DCHS2: variants seen among roughly 807,000 people sequenced by gnomAD.
DCHS2 encodes protocadherin-23.
In DCHS2, 142 loss-of-function variants were observed where a neutral mutation model predicts 182.4. The observed-to-expected ratio is 0.78, with a 90% CI of 0.68 to 0.89. The LOEUF is 0.89. Among genes scored for constraint, DCHS2 ranks in the 40% least tolerant of loss-of-function variants. The pLI is 0.00. For missense variants in DCHS2, 4,319 were observed against 4,198.6 expected (o/e 1.03, Z -0.79); for synonymous variants, 1,740 against 1,663.3 (o/e 1.05, Z -1.12).
chr4:154,308,861 C>A (rs1265349131), intron 10 of DCHS2, among the ~76,000 whole-genome samples: 1 of 152,158 alleles, frequency 6.6e-6, no homozygotes, highest in Non-Finnish European at 1.5e-5. Context: ...CTCGCAGTGA[C>A]AATTCCCCCT....
At position 154,304,671 on chromosome 4, in the gene DCHS2, A is replaced by G. The variant is rs773058478; in HGVS notation, c.5603T>C (p.Ile1868Thr). 1.4e-5 allele frequency: 23 copies of G among 1,603,302 alleles called. No homozygotes were observed. The South Asian group carries it at 2.3e-4, about 16-fold the overall frequency. The change falls in exon 12 of 20, where the codon ATT becomes ACT. Residue 1868 changes from isoleucine (I) to threonine (T), a missense_variant and splice_region_variant. Coordinates refer to ENST00000357232, the MANE Select transcript of DCHS2 (RefSeq NM_001358235.2). ...AACAAACAAACAAACAAACTTACCAATTATGTGATATTCAACAGCTCTGTT... is the reference window on the plus strand; with the variant it reads ...AACAAACAAACAAACAAACTTACCAGTTATGTGATATTCAACAGCTCTGTT... The part of the protein sequence containing the change: ...GNNRAVEYHI[I>T]DGNTDECFTI...
At chr4:154,268,956 G>A (rs1002147754) in intron 14 of DCHS2, 2 of 152,114 alleles carry the variant, frequency 1.3e-5, no homozygotes, top group South Asian at 2.1e-4. Context: ...ACTCTTCTTC[G>A]TTCCTAAGCA....
intron 5 of DCHS2, among the ~76,000 whole-genome samples, chr4:154,330,091 T>A (rs532935010): frequency 6.6e-6 from 1 of 152,240 alleles, no homozygotes; most frequent in Non-Finnish European, 1.5e-5. Flanking sequence ...ACACAGGTTC[T>A]GGCTTTGGCC....
At position 154,333,156 on chromosome 4, in the gene DCHS2, T is replaced by C; in HGVS notation, c.3052A>G (p.Ile1018Val). 1.2e-5 allele frequency: 20 copies of C among 1,614,172 alleles called. No homozygotes were observed. The highest frequency in any genetic ancestry group is 1.7e-5 in the Non-Finnish European group (20 of 1,180,038). The change falls in exon 5 of 20, where the codon ATC (isoleucine) becomes GTC (valine). Residue 1018 changes from isoleucine (I) to valine (V), a missense_variant. Physicochemically the swap from Ile to Val is conservative, Grantham distance 29 (BLOSUM62 3). Transcript: ENST00000357232. ...SGRNGLIRYS[I>V]ASPQPGVFAI... ...AAGACGCCTGGCTGCGGGCTGGCGA[T>C]GGAGTACCGGATGAGTCCGTTCCGC... is the stretch of plus-strand genomic sequence containing the variant.
At chr4:154,418,272 T>A (rs190018037) in intron 1 of DCHS2, among the ~76,000 whole-genome samples, 14 of 152,338 alleles carry the variant, frequency 9.2e-5, no homozygotes, top group African/African-American at 3.4e-4. Context: ...AACCCATGAA[T>A]GTGCCCAGAG....
chr4:154,413,024 G>T (rs374508172), intron 1 of DCHS2, among the ~76,000 whole-genome samples: 14 of 152,296 alleles, frequency 9.2e-5, no homozygotes, highest in African/African-American at 3.4e-4. Flanking sequence ...ACCCAGCATT[G>T]ACAGACATAA....
At position 154,485,130 on chromosome 4, in the gene DCHS2, A is replaced by G. The variant is rs193261825; in HGVS notation, c.2052+4174T>C. ...TTTTTTTTTAAATGAACTTCTGGGA[A>G]TATACAGGAAGAGATTATAGAAAGG... On this transcript the variant is annotated intron_variant, in intron 1 of 19. Coordinates refer to ENST00000357232, the MANE Select transcript of DCHS2 (RefSeq NM_001358235.2). 3.9e-3 allele frequency among the ~76,000 whole-genome samples: 598 copies of G among 152,234 alleles called. 4 individuals are homozygous for G. Among genetic ancestry groups the G allele is most frequent in the Non-Finnish European group, 6.6e-3 (450 of 68,022 alleles).
chr4:154,255,774 A>G (rs1023772005), intron 15 of DCHS2, 104 bp from the exon 16 acceptor site: 2 of 1,402,108 alleles, frequency 1.4e-6, no homozygotes, highest in Non-Finnish European at 1.9e-6. Context: ...CTTGTCAAAC[A>G]TATTTTAAAA....
At chr4:154,290,054 C>T (rs1027999664) in intron 13 of DCHS2, among the ~76,000 whole-genome samples, 3 of 152,006 alleles carry the variant, frequency 2.0e-5, no homozygotes, top group South Asian at 2.1e-4. Context: ...CTAAAGACTC[C>T]TCCAAAAAAC....
At chr4:154,486,511 C>G (rs778422778) in intron 1 of DCHS2, 3 of 1,304,348 alleles carry the variant, frequency 2.3e-6, no homozygotes, top group Non-Finnish European at 3.0e-6. Context: ...GCAACTTGAG[C>G]AGATATAAGC....
intron 13 of DCHS2, among the ~76,000 whole-genome samples, chr4:154,287,229 A>C (rs1734444410): frequency 6.6e-6 from 1 of 152,198 alleles, no homozygotes; most frequent in Admixed American, 6.5e-5. Context: ...AATCAGAAAG[A>C]AAAGGACATT....
chr4:154,232,593 A>ATAAT lies in DCHS2; in HGVS notation c.*1939_*1942dup, dbSNP rs1323818239. On this transcript the variant is annotated 3_prime_UTR_variant, in exon 20 of 20. Coordinates refer to ENST00000357232, the MANE Select transcript of DCHS2 (RefSeq NM_001358235.2). ...AACAAAATGTTCTTAGTTTCCAGAA[A>ATAAT]TAATTCTATTGTGAAAAGAAAACTT... 6.6e-6 allele frequency: 1 copy of ATAAT among 152,216 alleles called. No individual in the cohort carries two copies. Among genetic ancestry groups the ATAAT allele is most frequent in the Non-Finnish European group, 1.5e-5 (1 of 68,028 alleles). 9.4% of individuals were successfully genotyped at this position (152,216 alleles called of 1,614,324 possible).
chr4:154,254,714 G>C (rs371146287), intron 16 of DCHS2, among the ~76,000 whole-genome samples: 56 of 152,250 alleles, frequency 3.7e-4, no homozygotes, highest in African/African-American at 1.2e-3. Flanking sequence ...GCAGGTGGCT[G>C]TAAACCCAGC....
At chr4:154,360,714 G>C (rs1465478157) in intron 3 of DCHS2, among the ~76,000 whole-genome samples, 1 of 152,090 alleles carries the variant, frequency 6.6e-6, no homozygotes, top group Non-Finnish European at 1.5e-5. Context: ...CAGAAAACAA[G>C]TCTGTACTAC....
intron 16 of DCHS2, among the ~76,000 whole-genome samples, chr4:154,251,828 T>A (rs974007926): frequency 1.3e-5 from 2 of 152,112 alleles, no homozygotes; most frequent in Admixed American, 6.6e-5. Context: ...CAGGACTCGA[T>A]TTTCAAACTC....
In DCHS2 at chr4:154,235,173, G is replaced by A; in HGVS notation, c.9479C>T (p.Ala3160Val). Residue 3160 changes from alanine (A) to valine (V), a missense_variant, in exon 20 of 20, where the codon GCC (alanine) becomes GTC (valine). Transcript: ENST00000357232. ...ATCTCCTTCCCCAAATGTTTGGCTG[G>A]CTTCTGCTGTTTCGGCAGTCACCAT... ...DVMVTAETAE[A>V]SQTFGEGDQG... The A allele has an allele frequency of 6.2e-7, 1 of 1,614,008 alleles. No homozygotes were observed. Among genetic ancestry groups the A allele is most frequent in the South Asian group, 1.1e-5 (1 of 91,084 alleles).
intron 1 of DCHS2, among the ~76,000 whole-genome samples, chr4:154,381,150 C>T (rs1731149372): frequency 6.6e-6 from 1 of 152,044 alleles, no homozygotes; most frequent in African/African-American, 2.4e-5. Flanking sequence ...CACATTACAG[C>T]ACTCTAAATA....
intron 16 of DCHS2, among the ~76,000 whole-genome samples, chr4:154,245,875 A>T (rs767311002): frequency 1.3e-5 from 2 of 152,190 alleles, no homozygotes; most frequent in Non-Finnish European, 2.9e-5. Context: ...CCAAGAGTGG[A>T]TCCCACTGAA....
intron 13 of DCHS2, among the ~76,000 whole-genome samples, chr4:154,274,990 C>T (rs1733772412): frequency 1.3e-5 from 2 of 151,890 alleles, no homozygotes; most frequent in African/African-American, 4.8e-5. Flanking sequence ...CAACTTGAAA[C>T]CCATCTTGCT....
Sources: gnomAD v4.1 joint callset for allele counts (sites outside exome capture counted in the v4.1 genomes callset) on GRCh38, gnomAD v4.1.1 for gene constraint, MANE v1.5 for transcripts, NCBI Gene and HGNC (gene_info 2026-07-23, HGNC 2026-07-21) for gene names.